The following HDAC4 variants were observed in gnomAD, a reference collection of about 807,000 sequenced individuals.
HDAC4 encodes histone deacetylase 4.
In HDAC4, 16 loss-of-function variants were observed where a neutral mutation model predicts 135.1. The observed-to-expected ratio is 0.12, with a 90% confidence interval of 0.08 to 0.18. HDAC4 has a LOEUF of 0.18. HDAC4 is among the 10% of genes least tolerant of loss of function. The pLI is 1.00. For synonymous variants in HDAC4, 685 were observed against 653.4 expected (o/e 1.05, Z -0.74); for missense variants, 1,143 against 1,511.8 (o/e 0.76, Z 4.05).
intron 2 of HDAC4, among the ~76,000 whole-genome samples, chr2:239,343,153 G>A (rs1418060074): frequency 6.6e-6 from 1 of 152,072 alleles, no homozygotes; most frequent in Non-Finnish European, 1.5e-5. Flanking sequence ...AAAAAGTTTA[G>A]GTATATGCCT....
intron 1 of HDAC4, among the ~76,000 whole-genome samples, chr2:239,373,769 T>G (rs1375417828): frequency 1.3e-5 from 2 of 152,256 alleles, no homozygotes; most frequent in Non-Finnish European, 2.9e-5. Context: ...CTTCATTGAC[T>G]TTGTTGCTAA....
intron 22 of HDAC4, among the ~76,000 whole-genome samples, chr2:239,070,348 A>T (rs1227104472): frequency 1.3e-5 from 2 of 152,238 alleles, no homozygotes; most frequent in African/African-American, 4.8e-5. Context: ...AAATTCTTTA[A>T]ATTATATTAG....
chr2:239,302,238 C>G (rs374708509), intron 2 of HDAC4, among the ~76,000 whole-genome samples: 8 of 152,204 alleles, frequency 5.3e-5, no homozygotes, highest in African/African-American at 1.7e-4. Flanking sequence ...GACAGGCAGG[C>G]GGCGGCCAAA....
At chr2:239,195,661 C>A (rs566557517) in intron 3 of HDAC4, among the ~76,000 whole-genome samples, 17 of 152,342 alleles carry the variant, frequency 1.1e-4, no homozygotes, top group Non-Finnish European at 1.8e-4. Flanking sequence ...AACAATAAAA[C>A]CTTCTCTCCT....
intron 2 of HDAC4, among the ~76,000 whole-genome samples, chr2:239,338,911 T>C (rs1255967692): frequency 2.6e-5 from 4 of 152,208 alleles, no homozygotes; most frequent in African/African-American, 2.4e-5. Flanking sequence ...GTAGGTTCGG[T>C]TCCCCAGTGG....
intron 16 of HDAC4, among the ~76,000 whole-genome samples, chr2:239,096,205 T>C (rs1403411022): frequency 6.6e-6 from 1 of 152,070 alleles, no homozygotes; most frequent in Non-Finnish European, 1.5e-5. Context: ...AGAGGAACCC[T>C]TCCTCAGGGA....
chr2:239,376,655 C>T (rs753705024), intron 1 of HDAC4, among the ~76,000 whole-genome samples: 4 of 152,338 alleles, frequency 2.6e-5, no homozygotes, highest in South Asian at 2.1e-4. Context: ...ACAGATTGCC[C>T]GGGACGCCTA....
chr2:239,340,725 C>T (rs2125864239), intron 2 of HDAC4, among the ~76,000 whole-genome samples: 1 of 152,302 alleles, frequency 6.6e-6, no homozygotes, highest in Non-Finnish European at 1.5e-5. Context: ...AGCCACAGGG[C>T]TCCCCGTGCT....
intron 12 of HDAC4, among the ~76,000 whole-genome samples, chr2:239,121,899 G>A (rs1417580094): frequency 6.6e-6 from 1 of 152,208 alleles, no homozygotes; most frequent in Non-Finnish European, 1.5e-5. Flanking sequence ...GCTGTGGGCT[G>A]GGGCTGCACT....
At chr2:239,161,045 T>C (rs1009759088) in intron 6 of HDAC4, among the ~76,000 whole-genome samples, 2 of 152,218 alleles carry the variant, frequency 1.3e-5, no homozygotes, top group African/African-American at 4.8e-5. Flanking sequence ...TGACCAGCCA[T>C]CTTGAGCATC....
At chr2:239,131,135 C>T (rs532065563) in intron 11 of HDAC4, among the ~76,000 whole-genome samples, 18 of 152,370 alleles carry the variant, frequency 1.2e-4, no homozygotes, top group Non-Finnish European at 2.5e-4. Flanking sequence ...GAGGCACGCC[C>T]AGCCTGTGAC....
Position 239,206,459 on chromosome 2 carries a change from C to A in HDAC4, c.95-16382G>T, listed in dbSNP as rs540841072. Among the ~76,000 whole-genome samples the A allele has an allele frequency of 5.9e-5, 9 of 152,170 alleles. No individual in the cohort carries two copies. In the South Asian group the frequency reaches 1.7e-3, roughly 28 times the overall value. On this transcript the variant is annotated intron_variant, in intron 3 of 26. Transcript: ENST00000543185. Reference sequence around the variant, plus strand: ...GCCTCCCAAAAGAGGTGCACCATTGCATCTATAAAGTCTTACCAAAAATAA... The same window carrying A: ...GCCTCCCAAAAGAGGTGCACCATTGAATCTATAAAGTCTTACCAAAAATAA...
intron 1 of HDAC4, among the ~76,000 whole-genome samples, chr2:239,399,136 G>A (rs1301937242): frequency 1.3e-5 from 2 of 152,174 alleles, no homozygotes; most frequent in African/African-American, 2.4e-5. Context: ...AGCCCGATCA[G>A]TCTTAAAAAT....
chr2:239,109,146 C>T (rs2038436414), intron 14 of HDAC4, among the ~76,000 whole-genome samples: 1 of 152,238 alleles, frequency 6.6e-6, no homozygotes, highest in South Asian at 2.1e-4. Context: ...CCCCGAGGCC[C>T]TGCCGGGACA....
In HDAC4 at chr2:239,349,827, T is replaced by G. The variant is rs1261244191; in HGVS notation, c.22+2851A>C. Among the ~76,000 whole-genome samples the G allele has an allele frequency of 1.3e-5, 2 of 152,212 alleles. No homozygotes were observed. The highest frequency in any genetic ancestry group is 2.9e-5 in the Non-Finnish European group (2 of 68,038). ...GGCAAACCACCTCAGCTGTACCCCC[T>G]GCACAGATGGAGAGCAGAGAATGGG... On this transcript the variant is annotated intron_variant, in intron 2 of 26. Transcript: ENST00000543185. This position sits in a 1 kb window ranked among gnomAD's most constrained non-coding sequence, Gnocchi z 5.7.
chr2:239,097,081 C>T (rs534831420), intron 16 of HDAC4, among the ~76,000 whole-genome samples: 22 of 152,330 alleles, frequency 1.4e-4, no homozygotes, highest in East Asian at 9.7e-4. Context: ...GGGGCGCAGG[C>T]GCCATGCAGA....
At chr2:239,281,488 T>TACAC (rs2050746558) in intron 2 of HDAC4, among the ~76,000 whole-genome samples, 1 of 132,066 alleles carries the variant, frequency 7.6e-6, no homozygotes, top group African/African-American at 3.1e-5. Flanking sequence ...CACACCACTC[T>TACAC]ACAATGTACA....
At chr2:239,314,779 A>C (rs2053045315) in intron 2 of HDAC4, among the ~76,000 whole-genome samples, 1 of 152,216 alleles carries the variant, frequency 6.6e-6, no homozygotes, top group Admixed American at 6.5e-5. Flanking sequence ...GGACAGAGGA[A>C]GATATGCTAA....
chr2:239,318,625 A>G (rs1041197059), intron 2 of HDAC4, among the ~76,000 whole-genome samples: 3 of 151,914 alleles, frequency 2.0e-5, no homozygotes, highest in Non-Finnish European at 2.9e-5. Context: ...CTGAGGCAAC[A>G]TGGCCTGGAT....
Sources: gnomAD v4.1 joint callset for allele counts (sites outside exome capture counted in the v4.1 genomes callset) on GRCh38, gnomAD v4.1.1 for gene constraint, Gnocchi (gnomAD v3.1) non-coding constraint, MANE v1.5 for transcripts, NCBI Gene and HGNC (gene_info 2026-07-23, HGNC 2026-07-21) for gene names.